Variants in PDE6C observed in about 807,000 individuals in gnomAD.
PDE6C encodes the protein phosphodiesterase 6C.
In PDE6C, 75 loss-of-function variants were observed where a neutral mutation model predicts 113.1. The ratio of observed to expected loss-of-function variants is 0.66; its 90% CI spans 0.55 to 0.80. The LOEUF is 0.80. PDE6C is among the 30% of genes least tolerant of loss of function. The pLI, the probability that PDE6C is intolerant of heterozygous loss-of-function variation, is 0.00. For missense variants in PDE6C, 912 were observed against 1,038.6 expected (o/e 0.88, Z 1.67); for synonymous variants, 375 against 363.7 (o/e 1.03, Z -0.35).
rs1265495951 is a variant in PDE6C, at chr10:93,620,892, T to A, written c.635T>A (p.Val212Asp). 6.2e-7 allele frequency: 1 copy of A among 1,613,822 alleles called. No homozygotes were observed. Among genetic ancestry groups the A allele is most frequent in the Non-Finnish European group, 8.5e-7 (1 of 1,179,724 alleles). Residue 212 changes from valine (V) to aspartate (D), a missense_variant and splice_region_variant, in exon 3 of 22, where the codon GTC becomes GAC. By Grantham distance (152) the Val-to-Asp change is radical. Coordinates refer to ENST00000371447, the MANE Select transcript of PDE6C (RefSeq NM_006204.4). ...ASEFSKQDEE[V>D]FSKYLNFVSI... ...CTTGTTATTCTCTGCCGTCTGTAGG[T>A]CTTTTCCAAATACCTCAACTTTGTG...
At chr10:93,633,604 G>C (rs951347676) in intron 8 of PDE6C, among the ~76,000 whole-genome samples, 5 of 152,024 alleles carry the variant, frequency 3.3e-5, no homozygotes, top group Admixed American at 3.3e-4. Context: ...TTGAGGGCAA[G>C]ACCTGTGATT....
intron 4 of PDE6C, among the ~76,000 whole-genome samples, chr10:93,624,195 C>T (rs2058461502): frequency 6.6e-6 from 1 of 151,776 alleles, no homozygotes; most frequent in African/African-American, 2.4e-5. Flanking sequence ...CTGTTGCTAC[C>T]CTTCTAGTTC....
At chr10:93,624,033 A>G (rs1422991687) in intron 4 of PDE6C, among the ~76,000 whole-genome samples, 2 of 151,972 alleles carry the variant, frequency 1.3e-5, no homozygotes, top group African/African-American at 4.8e-5. Flanking sequence ...CTATATGTAC[A>G]TAGTGTCTAG....
chr10:93,636,373 T>TGTGTGTG lies in PDE6C; in HGVS notation c.1414-621_1414-615dup, dbSNP rs1554890061. ...TTTCTTTTATTTCCCTGGCTTTGTGTGTGTGTGTGTGTGTGTGTGTGTGTG... is the reference window on the plus strand; with the variant it reads ...TTTCTTTTATTTCCCTGGCTTTGTGTGTGTGTGGTGTGTGTGTGTGTGTGTGTGTGTG... On this transcript the variant is annotated intron_variant, in intron 10 of 21. Transcript: ENST00000371447. Among the ~76,000 whole-genome samples, 24 of 140,994 alleles carry TGTGTGTG rather than the reference T, an allele frequency of 1.7e-4. No individual in the cohort carries two copies. The East Asian group carries it at 4.6e-3, about 27-fold the overall frequency. The allele number at this position is 140,994 out of a possible 152,430, so 92.5% of individuals were successfully genotyped here. A position where few individuals can be genotyped will look rare whatever the true frequency, so the allele number is the denominator to read the frequency against.
intron 1 of PDE6C, among the ~76,000 whole-genome samples, chr10:93,615,539 G>A (rs1210811685): frequency 1.3e-5 from 2 of 152,052 alleles, no homozygotes; most frequent in Non-Finnish European, 2.9e-5. Flanking sequence ...GCGCCACTAT[G>A]CCTGGCTAAT....
chr10:93,644,492 T>C (rs2058573790), intron 14 of PDE6C, among the ~76,000 whole-genome samples: 1 of 152,096 alleles, frequency 6.6e-6, no homozygotes, highest in Non-Finnish European at 1.5e-5. Context: ...TGATGTGCAA[T>C]AGTCAAATCA....
At chr10:93,620,297 C>T (rs187323856) in intron 1 of PDE6C, among the ~76,000 whole-genome samples, 80 of 152,286 alleles carry the variant, frequency 5.3e-4, no homozygotes, top group Non-Finnish European at 8.7e-4. Context: ...CATGTACTTG[C>T]TGTCTATTGT....
intron 1 of PDE6C, among the ~76,000 whole-genome samples, chr10:93,614,905 T>C (rs2058413016): frequency 6.6e-6 from 1 of 152,304 alleles, no homozygotes; most frequent in South Asian, 2.1e-4. Flanking sequence ...GGTTCTGTGC[T>C]CACGAGAAAG....
At chr10:93,619,607 G>A (rs2058435692) in intron 1 of PDE6C, among the ~76,000 whole-genome samples, 1 of 152,080 alleles carries the variant, frequency 6.6e-6, no homozygotes, top group Middle Eastern at 3.2e-3. Flanking sequence ...TTGTATTTTA[G>A]TAGAGACAGG....
intron 11 of PDE6C, among the ~76,000 whole-genome samples, chr10:93,639,473 T>TCTGCCCTAC (rs2134610663): frequency 6.6e-6 from 1 of 152,336 alleles, no homozygotes; most frequent in South Asian, 2.1e-4. Flanking sequence ...TGTCTGCAAG[T>TCTGCCCTAC]ATACCTATGT....
At chr10:93,621,830 ATTTAT>A in intron 3 of PDE6C, 97 bp from the exon 4 acceptor site, 1 of 1,068,050 alleles carries the variant, frequency 9.4e-7, no homozygotes, top group Non-Finnish European at 1.4e-6. Flanking sequence ...AATGATATGC[ATTTAT>A]TTTATTTGAT....
chr10:93,647,053 T>C (rs2058588021), intron 15 of PDE6C, among the ~76,000 whole-genome samples: 1 of 152,238 alleles, frequency 6.6e-6, no homozygotes, highest in African/African-American at 2.4e-5. Context: ...ACATATTACG[T>C]ACTACTAATC....
At chr10:93,644,356 G>A (rs2058573180) in intron 14 of PDE6C, among the ~76,000 whole-genome samples, 1 of 152,006 alleles carries the variant, frequency 6.6e-6, no homozygotes, top group Non-Finnish European at 1.5e-5. Flanking sequence ...TAAACCTAAA[G>A]GAATTAAAGA....
intron 4 of PDE6C, among the ~76,000 whole-genome samples, chr10:93,624,124 G>T (rs925641756): frequency 3.3e-5 from 5 of 152,058 alleles, no homozygotes; most frequent in Non-Finnish European, 7.4e-5. Context: ...AATTAAAGTA[G>T]AAATATTGAA....
intron 15 of PDE6C, among the ~76,000 whole-genome samples, chr10:93,654,810 CTTTTTTTTTTTT>C (rs57025205): frequency 1.3e-5 from 1 of 77,114 alleles, no homozygotes; most frequent in Non-Finnish European, 2.5e-5. Context: ...TTCTTTCTTT[CTTTTTTTTTTTT>C]TTTGAAACAG....
At chr10:93,625,456 C>T in intron 4 of PDE6C, 119 bp from the exon 5 acceptor site, 1 of 736,766 alleles carries the variant, frequency 1.4e-6, no homozygotes, top group Non-Finnish European at 2.4e-6. Context: ...GATCTTTCAG[C>T]ACTAAAATTC....
intron 8 of PDE6C, among the ~76,000 whole-genome samples, chr10:93,631,612 C>T (rs1249584839): frequency 5.3e-5 from 8 of 152,240 alleles, no homozygotes; most frequent in South Asian, 4.1e-4. Context: ...CGCTCTTCAA[C>T]GGCATCACCT....
At chr10:93,625,470 A>T in intron 4 of PDE6C, 105 bp from the exon 5 acceptor site, 1 of 828,966 alleles carries the variant, frequency 1.2e-6, no homozygotes, top group Non-Finnish European at 2.0e-6. Flanking sequence ...AAAATTCCAG[A>T]ATTACGTAGA....
chr10:93,640,345 A>C (rs2058553281), intron 12 of PDE6C, 105 bp from the exon 13 acceptor site: 1 of 1,239,426 alleles, frequency 8.1e-7, no homozygotes, highest in African/African-American at 1.5e-5. Flanking sequence ...ACATCAGCTT[A>C]ACCCCTATCT....
Sources: gnomAD v4.1 joint callset for allele counts (sites outside exome capture counted in the v4.1 genomes callset) on GRCh38, gnomAD v4.1.1 for gene constraint, MANE v1.5 for transcripts, NCBI Gene and HGNC (gene_info 2026-07-23, HGNC 2026-07-21) for gene names.